Variants in DCHS2 observed in about 807,000 individuals in gnomAD.
The protein encoded by DCHS2 is protocadherin-23.
In DCHS2, 142 loss-of-function variants were observed where a neutral mutation model predicts 182.4. The observed-to-expected ratio is 0.78, with a 90% CI of 0.68 to 0.89. The LOEUF is 0.89. Among genes scored for constraint, DCHS2 ranks in the 40% least tolerant of loss-of-function variants. The pLI is 0.00. For missense variants in DCHS2, 4,319 were observed against 4,198.6 expected, an observed-to-expected ratio of 1.03 and a Z score of -0.79; for synonymous variants, 1,740 against 1,663.3, an observed-to-expected ratio of 1.05 and a Z score of -1.12.
At chr4:154,441,987 T>C (rs985053334) in intron 1 of DCHS2, among the ~76,000 whole-genome samples, 1 of 152,160 alleles carries the variant, frequency 6.6e-6, no homozygotes, top group Non-Finnish European at 1.5e-5. Context: ...AGTCAATGGG[T>C]AAATTTTGTT....
intron 1 of DCHS2, among the ~76,000 whole-genome samples, chr4:154,438,915 G>A (rs1390677222): frequency 6.6e-6 from 1 of 152,176 alleles, no homozygotes; most frequent in African/African-American, 2.4e-5. Flanking sequence ...TCTATAAAGA[G>A]TTGGGCTCAT....
intron 16 of DCHS2, among the ~76,000 whole-genome samples, chr4:154,252,688 C>G: frequency 6.6e-6 from 1 of 151,668 alleles, no homozygotes. Flanking sequence ...AAATAATACT[C>G]CATTGTGTAT....
chr4:154,423,065 T>G (rs1733176745), intron 1 of DCHS2, among the ~76,000 whole-genome samples: 1 of 152,236 alleles, frequency 6.6e-6, no homozygotes. Flanking sequence ...TTTATTGTAT[T>G]GATTTAAAAT....
At chr4:154,402,449 T>C (rs1431170574) in intron 1 of DCHS2, among the ~76,000 whole-genome samples, 1 of 152,218 alleles carries the variant, frequency 6.6e-6, no homozygotes, top group Non-Finnish European at 1.5e-5. Flanking sequence ...GATAAAGGTA[T>C]AGATCAATTT....
intron 3 of DCHS2, among the ~76,000 whole-genome samples, chr4:154,351,636 C>T (rs1309777351): frequency 6.6e-6 from 1 of 152,164 alleles, no homozygotes. Context: ...AATTTTTCCA[C>T]AGGACAGGGC....
intron 13 of DCHS2, among the ~76,000 whole-genome samples, chr4:154,284,887 C>T (rs1343076155): frequency 6.6e-6 from 1 of 152,166 alleles, no homozygotes; most frequent in Non-Finnish European, 1.5e-5. Flanking sequence ...TACTGAGACA[C>T]CAACTGGGGT....
chr4:154,307,449 A>G (rs971589004), intron 10 of DCHS2, among the ~76,000 whole-genome samples: 63 of 151,876 alleles, frequency 4.1e-4, no homozygotes, highest in Admixed American at 7.2e-4. Context: ...GCGCACACAC[A>G]CACACACACA....
intron 1 of DCHS2, among the ~76,000 whole-genome samples, chr4:154,485,351 G>A (rs1164708371): frequency 6.6e-6 from 1 of 152,216 alleles, no homozygotes; most frequent in Non-Finnish European, 1.5e-5. Flanking sequence ...GCATGAGAGA[G>A]GTTATGACTA....
intron 16 of DCHS2, among the ~76,000 whole-genome samples, chr4:154,253,951 G>C (rs1035487368): frequency 6.6e-6 from 1 of 152,172 alleles, no homozygotes; most frequent in Non-Finnish European, 1.5e-5. Flanking sequence ...TCCTTAAACA[G>C]GATGTCTGCT....
intron 1 of DCHS2, among the ~76,000 whole-genome samples, chr4:154,474,419 C>G (rs1018473598): frequency 6.6e-6 from 1 of 152,146 alleles, no homozygotes; most frequent in Admixed American, 6.5e-5. Context: ...AGCTTCCTCA[C>G]GCAAGGCTAT....
chr4:154,364,286 A>G (rs567658421), intron 3 of DCHS2, among the ~76,000 whole-genome samples: 1 of 152,334 alleles, frequency 6.6e-6, no homozygotes, highest in Non-Finnish European at 1.5e-5. Flanking sequence ...AGAATACAGT[A>G]TAACTCATTC....
chr4:154,456,191 G>T (rs1425396488), intron 1 of DCHS2, among the ~76,000 whole-genome samples: 1 of 152,188 alleles, frequency 6.6e-6, no homozygotes, highest in Middle Eastern at 3.4e-3. Context: ...TTGTAAAGTT[G>T]TCAGGAGTCT....
chr4:154,314,387 AGTT>A (rs1192499948), intron 10 of DCHS2, among the ~76,000 whole-genome samples: 13 of 152,170 alleles, frequency 8.5e-5, no homozygotes, highest in Non-Finnish European at 5.9e-5. Context: ...AAACGTACTA[AGTT>A]CTAAGGACAG....
intron 1 of DCHS2, among the ~76,000 whole-genome samples, chr4:154,482,204 A>G (rs1735949697): frequency 6.6e-6 from 1 of 152,234 alleles, no homozygotes; most frequent in Non-Finnish European, 1.5e-5. Flanking sequence ...TCAATAGAAT[A>G]TACTATTTTG....
At chr4:154,419,469 G>C (rs1482388610) in intron 1 of DCHS2, among the ~76,000 whole-genome samples, 3 of 151,532 alleles carry the variant, frequency 2.0e-5, no homozygotes, top group Non-Finnish European at 4.4e-5. Flanking sequence ...TGGCCAATGT[G>C]GTGAAACCCC....
intron 3 of DCHS2, among the ~76,000 whole-genome samples, chr4:154,355,228 G>A (rs756591144): frequency 6.6e-6 from 1 of 151,806 alleles, no homozygotes; most frequent in Non-Finnish European, 1.5e-5. Context: ...AAAGAAGCAG[G>A]CCAAAACCCA....
chr4:154,427,913 C>A (rs1355057486), intron 1 of DCHS2, among the ~76,000 whole-genome samples: 4 of 152,194 alleles, frequency 2.6e-5, no homozygotes, highest in Non-Finnish European at 1.5e-5. Flanking sequence ...TCAACAAAAT[C>A]AACTGCTCTA....
chr4:154,234,423 T>C lies in DCHS2; in HGVS notation c.*113A>G. On this transcript the variant is annotated 3_prime_UTR_variant, in exon 20 of 20. Transcript: ENST00000357232. ...GAAGTTTTAAAAACTCTAACTAAAT[T>C]ACATCACTTGCTTTTAGATAAAAAT... The C allele has an allele frequency of 7.3e-7, 1 of 1,377,650 alleles. No homozygotes were observed. Among genetic ancestry groups the C allele is most frequent in the South Asian group, 1.6e-5 (1 of 60,794 alleles). The allele number at this position is 1,377,650 out of a possible 1,614,324, so 85.3% of individuals were successfully genotyped here.
intron 10 of DCHS2, among the ~76,000 whole-genome samples, chr4:154,311,096 G>A (rs978471737): frequency 1.3e-5 from 2 of 152,204 alleles, no homozygotes; most frequent in African/African-American, 4.8e-5. Flanking sequence ...GTGGGAGAGT[G>A]CTAGGAGCTG....
Sources: allele counts gnomAD v4.1 joint callset (sites outside exome capture counted in the v4.1 genomes callset), GRCh38; gene constraint gnomAD v4.1.1; transcripts MANE v1.5; gene names NCBI Gene and HGNC (gene_info 2026-07-23, HGNC 2026-07-21).